SSBP3: variants seen among roughly 807,000 people sequenced by gnomAD.
The protein encoded by SSBP3 is single-stranded DNA-binding protein 3.
SSBP3 carries 5 observed loss-of-function variants against 69.6 expected under a neutral mutation model. That is an observed-to-expected ratio of 0.07 (90% confidence interval 0.04 to 0.15). SSBP3 has a LOEUF of 0.15. SSBP3 is among the 10% of genes least tolerant of loss of function. The pLI is 1.00. For synonymous variants in SSBP3, 196 were observed against 193.4 expected (o/e 1.01, Z -0.11); for missense variants, 312 against 534.0 (o/e 0.58, Z 4.10).
chr1:54,351,871 C>A (rs1275043875), intron 4 of SSBP3, among the ~76,000 whole-genome samples: 1 of 152,238 alleles, frequency 6.6e-6, no homozygotes. Flanking sequence ...CGCTGCCTAT[C>A]TATCCATCCA....
chr1:54,402,120 C>A (rs1027114431), intron 3 of SSBP3, among the ~76,000 whole-genome samples, 175 bp from the exon 4 acceptor site: 1 of 152,254 alleles, frequency 6.6e-6, no homozygotes, highest in African/African-American at 2.4e-5. Flanking sequence ...CTTCTTCTGG[C>A]AAGCCAGCCA....
intron 4 of SSBP3, among the ~76,000 whole-genome samples, chr1:54,369,288 T>A (rs1377106532): frequency 2.0e-5 from 2 of 99,534 alleles, no homozygotes; most frequent in Admixed American, 2.8e-4. Flanking sequence ...CCGCAGAGGC[T>A]CCACGGGATT....
intron 4 of SSBP3, among the ~76,000 whole-genome samples, chr1:54,397,611 C>T (rs879541674): frequency 3.9e-5 from 6 of 152,068 alleles, no homozygotes; most frequent in Non-Finnish European, 7.4e-5. Context: ...ACACAACAGC[C>T]AAGATGAAAG....
At chr1:54,407,615 T>A (rs993974575), upstream of SSBP3, among the ~76,000 whole-genome samples, 1 of 152,036 alleles carries the variant, frequency 6.6e-6, no homozygotes, top group African/African-American at 2.4e-5. Context: ...AGAGAGCGGA[T>A]CTCTTTAAAT....
chr1:54,318,874 G>A (rs1203174875), intron 4 of SSBP3, among the ~76,000 whole-genome samples: 1 of 152,196 alleles, frequency 6.6e-6, no homozygotes, highest in Non-Finnish European at 1.5e-5. Flanking sequence ...TAACAGGAGG[G>A]AAGGGGTCGT....
chr1:54,312,315 C>A (rs1646018058), intron 4 of SSBP3, among the ~76,000 whole-genome samples: 2 of 151,228 alleles, frequency 1.3e-5, no homozygotes, highest in Non-Finnish European at 2.9e-5. Flanking sequence ...AGAGGCCGGA[C>A]AAGGTGGCTC....
rs992529886 is a variant in SSBP3 at position 54,268,821 on chromosome 1, G to A, written c.367-10672C>T. 5.3e-5 allele frequency among the ~76,000 whole-genome samples: 8 copies of A among 152,318 alleles called. No homozygotes were observed. In the South Asian group the frequency reaches 1.0e-3, roughly 20 times the overall value. ...TGGGAGGTCGGGCCCACAGTCACAC[G>A]GGCAGGTGCAACAATACCTGGCAAA... On this transcript the variant is annotated intron_variant, in intron 5 of 17. Coordinates refer to ENST00000610401, the Ensembl canonical transcript of SSBP3.
intron 12 of SSBP3, 82 bp downstream of exon 12, chr1:54,241,392 G>C: frequency 6.8e-7 from 1 of 1,469,728 alleles, no homozygotes. Context: ...GAAAGGGAAA[G>C]AAACGGGGAC....
At chr1:54,386,940 G>T (rs1296295842) in intron 4 of SSBP3, among the ~76,000 whole-genome samples, 1 of 151,730 alleles carries the variant, frequency 6.6e-6, no homozygotes, top group African/African-American at 2.4e-5. Context: ...CCTCCTTCTT[G>T]CCTGTCAGCA....
At chr1:54,384,137 G>GCAGGAGAA (rs1407118243) in intron 4 of SSBP3, among the ~76,000 whole-genome samples, 33 of 147,596 alleles carry the variant, frequency 2.2e-4, no homozygotes, top group South Asian at 8.7e-4. Flanking sequence ...CAAGAACTGG[G>GCAGGAGAA]CAGGAGAACA....
At position 54,264,958 on chromosome 1, in the gene SSBP3, T is replaced by C. The variant is rs1310774419; in HGVS notation, c.367-6809A>G. ...GTACTGGCGGCCTGTGTAATCTGCC[T>C]GTTAGGTGTGTTGCTTTAATTGAGT... On this transcript the variant is annotated intron_variant, in intron 5 of 17. Transcript: ENST00000610401. Among the ~76,000 whole-genome samples, 7 of 152,198 alleles carry C rather than the reference T, an allele frequency of 4.6e-5. No individual in the cohort carries two copies. The East Asian group carries it at 1.3e-3, about 29-fold the overall frequency.
intron 4 of SSBP3, among the ~76,000 whole-genome samples, chr1:54,352,606 A>T (rs2100586456): frequency 6.6e-6 from 1 of 152,264 alleles, no homozygotes. Context: ...AGGCAAGGGG[A>T]GGGCGGGATG....
chr1:54,316,659 ATAAAATAAATAAATAAATAAAT>A (rs1255870797), intron 4 of SSBP3, among the ~76,000 whole-genome samples: 7 of 66,266 alleles, frequency 1.1e-4, no homozygotes, highest in African/African-American at 4.1e-4. Context: ...AAAAAAAAAA[ATAAAATAAATAAATAAATAAAT>A]AAATAAATAA....
At chr1:54,270,377 G>C (rs1645172240) in intron 5 of SSBP3, among the ~76,000 whole-genome samples, 1 of 152,172 alleles carries the variant, frequency 6.6e-6, no homozygotes, top group Non-Finnish European at 1.5e-5. Context: ...CAGCTCCTGT[G>C]CGGTGGAGCA....
intron 4 of SSBP3, among the ~76,000 whole-genome samples, chr1:54,327,942 C>A (rs1477699590): frequency 6.6e-6 from 1 of 152,154 alleles, no homozygotes; most frequent in African/African-American, 2.4e-5. Flanking sequence ...CTTCCATATA[C>A]CAAATATAGT....
chr1:54,357,951 A>C (rs866196319), intron 4 of SSBP3, among the ~76,000 whole-genome samples: 2 of 152,132 alleles, frequency 1.3e-5, no homozygotes, highest in Non-Finnish European at 2.9e-5. Flanking sequence ...CCACACCTAC[A>C]CTATACCATC....
intron 4 of SSBP3, among the ~76,000 whole-genome samples, chr1:54,400,068 T>C (rs1649186168): frequency 6.6e-6 from 1 of 152,200 alleles, no homozygotes; most frequent in African/African-American, 2.4e-5. Flanking sequence ...GTGATCTCTA[T>C]ACATTTCTAC....
chr1:54,309,752 AG>A (rs1557518776), intron 4 of SSBP3, among the ~76,000 whole-genome samples: 5 of 152,210 alleles, frequency 3.3e-5, no homozygotes, highest in Admixed American at 3.3e-4. Context: ...AGAAAACCCC[AG>A]GAACACACCA....
Position 54,317,691 on chromosome 1 carries a change from T to G in SSBP3, c.277-36164A>C, listed in dbSNP as rs533229655. Among the ~76,000 whole-genome samples the G allele has an allele frequency of 2.1e-3, 323 of 152,304 alleles. 1 individual carries two copies. Among genetic ancestry groups the G allele is most frequent in the African/African-American group, 7.5e-3 (311 of 41,548 alleles). Reference sequence around the variant, plus strand: ...TTCACTTTCCAAAACGTGTCCAAAGTTGTCTACAAGAGATGGGGTGCTGTA... The same window carrying G: ...TTCACTTTCCAAAACGTGTCCAAAGGTGTCTACAAGAGATGGGGTGCTGTA... On this transcript the variant is annotated intron_variant, in intron 4 of 17. Transcript: ENST00000610401.
Sources: gnomAD v4.1 joint callset for allele counts (sites outside exome capture counted in the v4.1 genomes callset) on GRCh38, gnomAD v4.1.1 for gene constraint, MANE v1.5 for transcripts, NCBI Gene and HGNC (gene_info 2026-07-23, HGNC 2026-07-21) for gene names.